Variants in ZNF618 observed in about 807,000 individuals in gnomAD.
The protein encoded by ZNF618 is zinc finger protein 618, also known as neural precursor cell expressed, developmentally down-regulated 10.
In ZNF618, 34 loss-of-function variants were observed where a neutral mutation model predicts 103.0. That is an observed-to-expected ratio of 0.33 (90% CI 0.25 to 0.44). The LOEUF (loss-of-function observed/expected upper bound fraction) is 0.44, where lower values mean the gene tolerates loss of function less well. Ranked by LOEUF, ZNF618 falls within the 20% of genes least tolerant of loss-of-function variation. The probability of loss-of-function intolerance (pLI) is 1.00; values close to 1 mark genes in which losing one functional copy is unlikely to be tolerated. For missense variants in ZNF618, 1,059 were observed against 1,295.4 expected (o/e 0.82, Z 2.80); for synonymous variants, 551 against 542.2 (o/e 1.02, Z -0.23).
chr9:113,996,239 TGGACACACTCC>T (rs1056074477), intron 3 of ZNF618, among the ~76,000 whole-genome samples: 1 of 152,202 alleles, frequency 6.6e-6, no homozygotes, highest in African/African-American at 2.4e-5. Flanking sequence ...CAGAGAGGGC[TGGACACACTCC>T]TGAACATTTG....
intron 1 of ZNF618, among the ~76,000 whole-genome samples, chr9:113,932,693 G>A (rs1833699929): frequency 6.6e-6 from 1 of 152,104 alleles, no homozygotes; most frequent in South Asian, 2.1e-4. Flanking sequence ...TCTAGGTATT[G>A]GCCTGAGCGC....
chr9:113,955,146 C>CTTT (rs3034066), intron 1 of ZNF618, among the ~76,000 whole-genome samples: 1 of 130,552 alleles, frequency 7.7e-6, no homozygotes, highest in South Asian at 2.5e-4. Flanking sequence ...AGTGACTTCT[C>CTTT]TTTTTTTTTT....
chr9:113,945,082 A>G (rs1335314820), intron 1 of ZNF618, among the ~76,000 whole-genome samples: 1 of 151,960 alleles, frequency 6.6e-6, no homozygotes, highest in Non-Finnish European at 1.5e-5. Flanking sequence ...TTCCCTTTCC[A>G]GCCCCATCCC....
At chr9:114,022,746 T>C (rs1438598251) in intron 10 of ZNF618, among the ~76,000 whole-genome samples, 1 of 152,060 alleles carries the variant, frequency 6.6e-6, no homozygotes. Flanking sequence ...ATCAAAATTC[T>C]CAACTCTAAT....
chr9:113,919,130 C>T (rs569206004), intron 1 of ZNF618, among the ~76,000 whole-genome samples: 63 of 152,304 alleles, frequency 4.1e-4, no homozygotes, highest in African/African-American at 1.5e-3. Context: ...CATCCCCCAT[C>T]TCGTAGAGCA....
rs183218315 is a variant in ZNF618, at chr9:114,056,039, G to T, written c.*5872G>T. ...TTAATTAACAAAAGATGTTGTGTGC[G>T]GTCTCCTGTATCGGTGTGGATCCAA... On this transcript the variant is annotated 3_prime_UTR_variant, in exon 15 of 15. Coordinates refer to ENST00000374126, the MANE Select transcript of ZNF618 (RefSeq NM_001318042.2). 6.6e-6 allele frequency: 1 copy of T among 151,868 alleles called. No homozygotes were observed. Among genetic ancestry groups the T allele is most frequent in the African/African-American group, 2.4e-5 (1 of 41,266 alleles). 9.4% of individuals were successfully genotyped at this position (151,868 alleles called of 1,614,324 possible).
intron 10 of ZNF618, among the ~76,000 whole-genome samples, chr9:114,018,921 A>G (rs964447553): frequency 6.6e-6 from 1 of 152,206 alleles, no homozygotes; most frequent in Non-Finnish European, 1.5e-5. Context: ...TAGCTCCTGC[A>G]GTGGCCTCTG....
intron 1 of ZNF618, among the ~76,000 whole-genome samples, chr9:113,945,068 C>T (rs1277864703): frequency 2.0e-5 from 3 of 152,238 alleles, no homozygotes; most frequent in African/African-American, 7.2e-5. Flanking sequence ...ATCTACCAGC[C>T]CAGTTCCCTT....
intron 1 of ZNF618, among the ~76,000 whole-genome samples, chr9:113,924,811 C>T (rs911671180): frequency 7.2e-5 from 11 of 151,942 alleles, no homozygotes; most frequent in African/African-American, 2.4e-4. Context: ...GTTATTTAGT[C>T]TCCAAATATT....
At chr9:114,035,206 T>A in intron 12 of ZNF618, 1 of 986,008 alleles carries the variant, frequency 1.0e-6, no homozygotes, top group South Asian at 4.7e-5. Context: ...GCAAGTCCCC[T>A]GATTTCCAAC....
At chr9:113,881,164 C>A (rs530007374) in intron 1 of ZNF618, among the ~76,000 whole-genome samples, 1 of 152,308 alleles carries the variant, frequency 6.6e-6, no homozygotes, top group East Asian at 1.9e-4. Context: ...TTGTTCCCCA[C>A]TTTTAGTTTA....
intron 1 of ZNF618, among the ~76,000 whole-genome samples, chr9:113,937,491 A>G (rs1238178596): frequency 6.6e-6 from 1 of 152,260 alleles, no homozygotes; most frequent in East Asian, 1.9e-4. Flanking sequence ...ATAGGAAAAG[A>G]AAACCCTGGA....
In ZNF618 at chr9:113,988,358, G is replaced by A. The variant is rs907883978; in HGVS notation, c.115G>A (p.Glu39Lys). Reference sequence around the variant, plus strand: ...GCGCAGCCAGAAGAGCACCAAGGTGGAGGGCCCAGAGCCAGTGCCAGCCGA... The same window carrying A: ...GCGCAGCCAGAAGAGCACCAAGGTGAAGGGCCCAGAGCCAGTGCCAGCCGA... ...LKRSQKSTKV[E>K]GPEPVPAEAS... The change falls in exon 3 of 15, where the codon GAG becomes AAG. Residue 39 changes from glutamate (E) to lysine (K), a missense_variant. This residue lies in a region of ZNF618 where 194 missense variants were observed against 209.0 expected (regional missense o/e 0.93). Transcript: ENST00000374126. 1.2e-6 allele frequency: 2 copies of A among 1,613,128 alleles called. No homozygotes were observed. Among genetic ancestry groups the A allele is most frequent in the African/African-American group, 1.3e-5 (1 of 74,952 alleles).
chr9:113,992,446 G>A (rs7032124), intron 3 of ZNF618, among the ~76,000 whole-genome samples: 89,955 of 151,852 alleles, frequency 0.59, 27,111 homozygotes, highest in Middle Eastern at 0.74. Context: ...CTGGGGTGGG[G>A]TGCTGGTTAG....
At chr9:113,920,195 A>T (rs1832511688) in intron 1 of ZNF618, among the ~76,000 whole-genome samples, 1 of 152,136 alleles carries the variant, frequency 6.6e-6, no homozygotes. Context: ...TGCCATGGCG[A>T]TGCAGAAGTC....
rs1393836698 is a variant in ZNF618, at chr9:113,900,599, G to A, written c.33+24186G>A. Among the ~76,000 whole-genome samples, 785 of 100,880 alleles carry A rather than the reference G, an allele frequency of 7.8e-3. No individual in the cohort carries two copies. The Middle Eastern group carries it at 0.089, about 11-fold the overall frequency. The allele number at this position is 100,880 out of a possible 152,430, so 66.2% of individuals were successfully genotyped here. On this transcript the variant is annotated intron_variant, in intron 1 of 14. Coordinates refer to ENST00000374126, the MANE Select transcript of ZNF618 (RefSeq NM_001318042.2). ...GTCTCCTAGCACCGTCCTCTCCCGCGAACCCGAGCTCCCGTCTCCTAGCAC... is the reference window on the plus strand; with the variant it reads ...GTCTCCTAGCACCGTCCTCTCCCGCAAACCCGAGCTCCCGTCTCCTAGCAC...
chr9:113,972,827 G>A (rs991723281), intron 2 of ZNF618, among the ~76,000 whole-genome samples: 4 of 152,200 alleles, frequency 2.6e-5, no homozygotes, highest in African/African-American at 9.7e-5. Context: ...AGTACTTTGG[G>A]AGGCCGAGGC....
chr9:113,935,952 G>A (rs937203945), intron 1 of ZNF618, among the ~76,000 whole-genome samples: 1 of 152,120 alleles, frequency 6.6e-6, no homozygotes, highest in East Asian at 1.9e-4. Context: ...TCACAGGCTG[G>A]GATTCTTTTT....
At chr9:113,917,613 G>T (rs1009875579) in intron 1 of ZNF618, among the ~76,000 whole-genome samples, 4 of 151,512 alleles carry the variant, frequency 2.6e-5, no homozygotes, top group Admixed American at 1.3e-4. Context: ...CTCCTTTTTG[G>T]CTTCATTTTT....
Sources: allele counts gnomAD v4.1 joint callset (sites outside exome capture counted in the v4.1 genomes callset), GRCh38; gene constraint gnomAD v4.1.1; regional missense constraint gnomAD v4.1.1; transcripts MANE v1.5; gene names NCBI Gene and HGNC (gene_info 2026-07-23, HGNC 2026-07-21).